The following SOX5 variants were observed in gnomAD, a reference collection of about 807,000 sequenced individuals.
SOX5 encodes the protein SRY-box transcription factor 5.
A neutral mutation model predicts 92.0 loss-of-function variants in SOX5; 9 were observed. The ratio of observed to expected loss-of-function variants is 0.10; its 90% CI spans 0.06 to 0.17. The LOEUF is 0.17. SOX5 is among the 10% of genes least tolerant of loss of function. The probability of loss-of-function intolerance (pLI) is 1.00; values close to 1 mark genes in which losing one functional copy is unlikely to be tolerated. For synonymous variants in SOX5, 344 were observed against 336.3 expected, an observed-to-expected ratio of 1.02 and a Z score of -0.25; for missense variants, 642 against 944.5, an observed-to-expected ratio of 0.68 and a Z score of 4.20.
Position 24,511,636 on chromosome 12 carries a change from G to A in SOX5, c.-251+50693C>T, listed in dbSNP as rs1325608792. ...TAGGAGGTTGCTCAATAAAAATCAT[G>A]GCAATCAATAACGACATTTTATTTT... On this transcript the variant is annotated intron_variant, in intron 1 of 4. Transcript: ENST00000446891. Among the ~76,000 whole-genome samples the A allele has an allele frequency of 3.3e-5, 5 of 152,130 alleles. No individual in the cohort carries two copies. In the East Asian group the frequency reaches 5.8e-4, roughly 18 times the overall value.
chr12:23,972,551 G>GT (rs1240793470), intron 4 of SOX5, among the ~76,000 whole-genome samples: 2 of 151,916 alleles, frequency 1.3e-5, no homozygotes, highest in Non-Finnish European at 2.9e-5. Flanking sequence ...TAGAGACAGG[G>GT]TTTTTTTATG....
At chr12:24,153,237 C>A (rs1951836770) in intron 4 of SOX5, among the ~76,000 whole-genome samples, 2 of 152,118 alleles carry the variant, frequency 1.3e-5, no homozygotes, top group Non-Finnish European at 2.9e-5. Flanking sequence ...ACTTGTCTAA[C>A]CTCTCATAAC....
chr12:24,255,700 A>G (rs1187643314), intron 3 of SOX5, among the ~76,000 whole-genome samples: 1 of 152,254 alleles, frequency 6.6e-6, no homozygotes, highest in Admixed American at 6.5e-5. Context: ...TTTAATGAAT[A>G]GAGAGGTAGG....
At chr12:24,112,530 T>TTTC (rs1555105507) in intron 4 of SOX5, among the ~76,000 whole-genome samples, 1 of 138,900 alleles carries the variant, frequency 7.2e-6, no homozygotes, top group East Asian at 2.1e-4. Context: ...CCTTTTTTTT[T>TTTC]TTTTTTTTTT....
rs1172514817 is a variant in SOX5 at position 23,874,557 on chromosome 12, G to A, written c.270+21236C>T. Among the ~76,000 whole-genome samples, 5 of 152,202 alleles carry A rather than the reference G, an allele frequency of 3.3e-5. No individual in the cohort carries two copies. In the East Asian group the frequency reaches 9.6e-4, roughly 29 times the overall value. On this transcript the variant is annotated intron_variant, in intron 2 of 14. Transcript: ENST00000451604. ...GTTCCATCCAGTAAAGACTTGTCATGTAATAGAGACATCGGAAATAGTACG... is the reference window on the plus strand; with the variant it reads ...GTTCCATCCAGTAAAGACTTGTCATATAATAGAGACATCGGAAATAGTACG...
At position 23,788,504 on chromosome 12, in the gene SOX5, G is replaced by A. The variant is rs142844710; in HGVS notation, c.482-32780C>T. Among the ~76,000 whole-genome samples, 557 of 149,416 alleles carry A rather than the reference G, an allele frequency of 3.7e-3. 9 individuals are homozygous for A. Among genetic ancestry groups the A allele is most frequent in the African/African-American group, 0.013 (525 of 40,914 alleles). ...AACATTTCTTTTAAAATTCTTCTGGGTGGACTTACGAGGTAATGTCAAAGC... is the reference window on the plus strand; with the variant it reads ...AACATTTCTTTTAAAATTCTTCTGGATGGACTTACGAGGTAATGTCAAAGC... On this transcript the variant is annotated intron_variant, in intron 3 of 14. Transcript: ENST00000451604.
intron 2 of SOX5, among the ~76,000 whole-genome samples, chr12:23,857,991 C>T (rs1181968019): frequency 6.6e-6 from 1 of 152,134 alleles, no homozygotes; most frequent in African/African-American, 2.4e-5. Flanking sequence ...GCCTCGGCCT[C>T]CCAAAGTGCT....
At chr12:24,095,090 A>ACACACACACACAC (rs1945161916) in intron 4 of SOX5, among the ~76,000 whole-genome samples, 1 of 131,548 alleles carries the variant, frequency 7.6e-6, no homozygotes, top group African/African-American at 3.0e-5. Flanking sequence ...CTAGCCCCGA[A>ACACACACACACAC]ACACACACAC....
At chr12:24,147,030 T>A (rs1251341636) in intron 4 of SOX5, among the ~76,000 whole-genome samples, 1 of 152,142 alleles carries the variant, frequency 6.6e-6, no homozygotes, top group Non-Finnish European at 1.5e-5. Context: ...ATTGCTTCAC[T>A]GGGAAATTCT....
intron 2 of SOX5, among the ~76,000 whole-genome samples, chr12:24,348,049 C>CAAAAAAAAAAAAAAAAAA (rs1182462748): frequency 1.4e-5 from 1 of 72,722 alleles, no homozygotes; most frequent in Non-Finnish European, 2.9e-5. Context: ...TACAGCTAAT[C>CAAAAAAAAAAAAAAAAAA]AAAAAAAAAA....
At chr12:24,476,627 G>C (rs990195138) in intron 1 of SOX5, among the ~76,000 whole-genome samples, 2 of 152,112 alleles carry the variant, frequency 1.3e-5, no homozygotes, top group Non-Finnish European at 2.9e-5. Flanking sequence ...TCCAGCCCAG[G>C]CCCCCACGGC....
At chr12:23,763,478 T>C (rs2094619545) in intron 3 of SOX5, among the ~76,000 whole-genome samples, 1 of 152,160 alleles carries the variant, frequency 6.6e-6, no homozygotes, top group Non-Finnish European at 1.5e-5. Flanking sequence ...AACCACCTAC[T>C]ATTAATGTAT....
chr12:24,303,676 T>C (rs1210291470), intron 2 of SOX5, among the ~76,000 whole-genome samples: 1 of 152,212 alleles, frequency 6.6e-6, no homozygotes, highest in Non-Finnish European at 1.5e-5. Context: ...CTGGCAGTGC[T>C]CAGTAACACA....
At chr12:24,319,281 T>C (rs1224583393) in intron 2 of SOX5, among the ~76,000 whole-genome samples, 1 of 152,164 alleles carries the variant, frequency 6.6e-6, no homozygotes, top group Non-Finnish European at 1.5e-5. Context: ...TGACATATTC[T>C]CTCCCTTTCC....
chr12:24,353,863 A>T (rs1241518273), intron 2 of SOX5, among the ~76,000 whole-genome samples: 1 of 149,792 alleles, frequency 6.7e-6, no homozygotes, highest in African/African-American at 2.5e-5. Context: ...CTGGTCTTGA[A>T]CTCCTGACCT....
chr12:24,405,293 T>TG lies in SOX5; in HGVS notation c.-250-36655dup, dbSNP rs201631973. 8.1e-3 allele frequency among the ~76,000 whole-genome samples: 1,231 copies of TG among 152,196 alleles called. 15 individuals are homozygous for TG. The highest frequency in any genetic ancestry group is 0.028 in the African/African-American group (1,159 of 41,504). ...AGAAGGCAGGCAATATATTTTATCA[T>TG]GGGGGGGTATACTATTTGAAGTATT... On this transcript the variant is annotated intron_variant, in intron 1 of 4. Transcript: ENST00000446891.
At chr12:23,652,440 T>A (rs982870635) in intron 7 of SOX5, among the ~76,000 whole-genome samples, 3 of 151,824 alleles carry the variant, frequency 2.0e-5, no homozygotes, top group Non-Finnish European at 4.4e-5. Context: ...AATGATCTTA[T>A]CCAATCTCAT....
At chr12:23,893,161 G>T (rs1183428612) in intron 2 of SOX5, among the ~76,000 whole-genome samples, 1 of 152,066 alleles carries the variant, frequency 6.6e-6, no homozygotes, top group Non-Finnish European at 1.5e-5. Flanking sequence ...AAATGGAATG[G>T]TTTTGGCCAG....
In SOX5 at chr12:23,563,331, C is replaced by T; in HGVS notation, c.1415G>A (p.Arg472Gln). 2.5e-6 allele frequency: 4 copies of T among 1,613,958 alleles called. No homozygotes were observed. The highest frequency in any genetic ancestry group is 3.4e-6 in the Non-Finnish European group (4 of 1,179,902). The change falls in exon 11 of 15, where the codon CGG becomes CAG. Residue 472 changes from arginine (R) to glutamine (Q), a missense_variant. By Grantham distance (43) the Arg-to-Gln change is conservative. This residue lies in a region of SOX5 where 324 missense variants were observed against 461.6 expected (regional missense o/e 0.70). Coordinates refer to ENST00000451604, the MANE Select transcript of SOX5 (RefSeq NM_006940.6). Reference protein sequence around the residue: ...EARQMKEQLRREQQVLDGKVA... With the variant: ...EARQMKEQLRQEQQVLDGKVA... Reference sequence around the variant, plus strand: ...CTTCCCATCAAGCACCTGTTGTTCCCGTCGGAGTTGCTCCTTCATTTGCCG... The same window carrying T: ...CTTCCCATCAAGCACCTGTTGTTCCTGTCGGAGTTGCTCCTTCATTTGCCG...
Sources: gnomAD v4.1 joint callset for allele counts (sites outside exome capture counted in the v4.1 genomes callset) on GRCh38, gnomAD v4.1.1 for gene constraint, gnomAD v4.1.1 regional missense constraint, MANE v1.5 for transcripts, NCBI Gene and HGNC (gene_info 2026-07-23, HGNC 2026-07-21) for gene names.